The following GABBR2 variants were observed in gnomAD, a reference collection of about 807,000 sequenced individuals.
GABBR2 encodes gamma-aminobutyric acid type B receptor subunit 2.
In GABBR2, 23 loss-of-function variants were observed where a neutral mutation model predicts 105.6. The observed-to-expected ratio is 0.22, with a 90% CI of 0.16 to 0.31. The LOEUF is 0.31. Among genes scored for constraint, GABBR2 ranks in the 10% least tolerant of loss-of-function variants. The probability of loss-of-function intolerance (pLI) is 1.00; values close to 1 mark genes in which losing one functional copy is unlikely to be tolerated. For missense variants in GABBR2, 734 were observed against 1,245.5 expected, an observed-to-expected ratio of 0.59 and a Z score of 6.18; for synonymous variants, 478 against 499.7, an observed-to-expected ratio of 0.96 and a Z score of 0.58.
rs1472109213 is a variant in GABBR2, at chr9:98,547,887, A to G, written c.460-5844T>C. Reference sequence around the variant, plus strand: ...TTGCTTTTCAACAGCCTCAGTTTTAAGCCTTATTGACTTTAACATATTTGT... The same window carrying G: ...TTGCTTTTCAACAGCCTCAGTTTTAGGCCTTATTGACTTTAACATATTTGT... On this transcript the variant is annotated intron_variant, in intron 2 of 18. Coordinates refer to ENST00000259455, the MANE Select transcript of GABBR2 (RefSeq NM_005458.8). Among the ~76,000 whole-genome samples, 2 of 121,750 alleles carry G rather than the reference A, an allele frequency of 1.6e-5. 1 individual carries two copies. Among genetic ancestry groups the G allele is most frequent in the Non-Finnish European group, 3.7e-5 (2 of 54,068 alleles). 79.9% of individuals were successfully genotyped at this position (121,750 alleles called of 152,430 possible). A position where few individuals can be genotyped will look rare whatever the true frequency, so the allele number is the denominator to read the frequency against.
At chr9:98,587,565 GCCAGAC>G (rs1357522047) in intron 1 of GABBR2, among the ~76,000 whole-genome samples, 1 of 152,190 alleles carries the variant, frequency 6.6e-6, no homozygotes, top group African/African-American at 2.4e-5. Context: ...GATAGTGAGA[GCCAGAC>G]CCATTTAACA....
chr9:98,406,272 C>T (rs765932196), intron 7 of GABBR2, 131 bp from the exon 8 acceptor site: 13 of 553,142 alleles, frequency 2.4e-5, no homozygotes, highest in South Asian at 5.0e-5. Flanking sequence ...AACAGATTCC[C>T]GCTGGACCAC....
chr9:98,553,554 T>A (rs1458478279), intron 2 of GABBR2, among the ~76,000 whole-genome samples: 1 of 152,084 alleles, frequency 6.6e-6, no homozygotes, highest in Non-Finnish European at 1.5e-5. Context: ...ATTGTGCCAC[T>A]GCACTCCAGC....
At chr9:98,559,822 G>A (rs1034834385) in intron 2 of GABBR2, among the ~76,000 whole-genome samples, 1 of 151,432 alleles carries the variant, frequency 6.6e-6, no homozygotes, top group Non-Finnish European at 1.5e-5. Flanking sequence ...TCCATACAAA[G>A]CAGGGCTGTG....
At chr9:98,363,917 G>A (rs1048340018) in intron 12 of GABBR2, among the ~76,000 whole-genome samples, 3 of 152,092 alleles carry the variant, frequency 2.0e-5, no homozygotes, top group Admixed American at 6.5e-5. Context: ...AAAAGCTAAT[G>A]TGATGGAGTA....
chr9:98,370,686 C>T (rs1477504027), intron 12 of GABBR2, among the ~76,000 whole-genome samples: 1 of 152,148 alleles, frequency 6.6e-6, no homozygotes, highest in Non-Finnish European at 1.5e-5. Flanking sequence ...TAGTTACTAA[C>T]CAGAGGACCT....
intron 2 of GABBR2, 33 bp downstream of exon 2, chr9:98,577,901 AC>A (rs1239182176): frequency 3.8e-6 from 6 of 1,575,700 alleles, no homozygotes; most frequent in Non-Finnish European, 5.2e-6. Flanking sequence ...AACCAAAGAC[AC>A]CTCCCCACAA....
At chr9:98,475,444 C>T (rs1188909075) in intron 5 of GABBR2, among the ~76,000 whole-genome samples, 1 of 152,140 alleles carries the variant, frequency 6.6e-6, no homozygotes, top group East Asian at 1.9e-4. Flanking sequence ...AATCCCAGGT[C>T]ATTTAATCAA....
At chr9:98,411,603 C>T (rs940184864) in intron 7 of GABBR2, among the ~76,000 whole-genome samples, 2 of 151,916 alleles carry the variant, frequency 1.3e-5, no homozygotes, top group Non-Finnish European at 1.5e-5. Flanking sequence ...GCTCTGCTGC[C>T]CAGGCTAGAG....
chr9:98,397,877 C>A (rs1429328950), intron 8 of GABBR2, among the ~76,000 whole-genome samples: 2 of 152,130 alleles, frequency 1.3e-5, no homozygotes, highest in Non-Finnish European at 2.9e-5. Flanking sequence ...TCTGTTGTCC[C>A]AGGCAGTATA....
At chr9:98,354,654 T>C (rs1831455870) in intron 13 of GABBR2, among the ~76,000 whole-genome samples, 1 of 152,226 alleles carries the variant, frequency 6.6e-6, no homozygotes, top group African/African-American at 2.4e-5. Flanking sequence ...TGCAACTTCC[T>C]CACCTCTGTC....
intron 1 of GABBR2, among the ~76,000 whole-genome samples, chr9:98,697,746 A>C (rs562518166): frequency 6.6e-6 from 1 of 152,332 alleles, no homozygotes; most frequent in African/African-American, 2.4e-5. Flanking sequence ...GAGTCCAGGA[A>C]GGACCTCTGA....
At chr9:98,704,076 T>C (rs1388900131) in intron 1 of GABBR2, among the ~76,000 whole-genome samples, 1 of 152,160 alleles carries the variant, frequency 6.6e-6, no homozygotes, top group African/African-American at 2.4e-5. Flanking sequence ...TGTTCTCTGT[T>C]CACCAGCTGC....
chr9:98,446,568 A>G (rs2131593517), intron 7 of GABBR2, among the ~76,000 whole-genome samples: 1 of 152,286 alleles, frequency 6.6e-6, no homozygotes, highest in East Asian at 1.9e-4. Flanking sequence ...GAATGGAGGG[A>G]GAGAGATTAG....
Position 98,520,712 on chromosome 9 carries a change from T to G in GABBR2, c.630+21161A>C, listed in dbSNP as rs991085647. Among the ~76,000 whole-genome samples the G allele has an allele frequency of 3.9e-5, 6 of 152,280 alleles. No homozygotes were observed. The South Asian group carries it at 1.2e-3, about 32-fold the overall frequency. ...GGGAATGGTTTCTTCTGTTTCCACT[T>G]AAAGGGCATAACTTTGGCAGAGAAG... On this transcript the variant is annotated intron_variant, in intron 3 of 18. Transcript: ENST00000259455.
rs11301472 is a variant in GABBR2 at position 98,633,626 on chromosome 9, CAAAAAAAAA to C, written c.322-55563_322-55555del. Among the ~76,000 whole-genome samples, 4 of 84,298 alleles carry C rather than the reference CAAAAAAAAA, an allele frequency of 4.7e-5. No homozygotes were observed. The East Asian group carries it at 1.3e-3, about 27-fold the overall frequency. 55.3% of individuals were successfully genotyped at this position (84,298 alleles called of 152,430 possible). On this transcript the variant is annotated intron_variant, in intron 1 of 18. Transcript: ENST00000259455. ...GCAACAAGAGCGCGAGACTCCATCT[CAAAAAAAAA>C]AAAAAAAAAAGAATAAGAACAGATA...
chr9:98,633,381 G>A (rs148968823), intron 1 of GABBR2, among the ~76,000 whole-genome samples: 1,713 of 152,254 alleles, frequency 0.011, 30 homozygotes, highest in African/African-American at 0.039. Context: ...CCAGCACTTC[G>A]AGAGGCCAAG....
chr9:98,499,897 T>C (rs139431688), intron 3 of GABBR2, among the ~76,000 whole-genome samples: 14 of 152,092 alleles, frequency 9.2e-5, no homozygotes, highest in African/African-American at 3.4e-4. Context: ...ACTAAAAGTA[T>C]AAAAATTAGC....
At chr9:98,666,181 G>A (rs1830330590) in intron 1 of GABBR2, among the ~76,000 whole-genome samples, 1 of 152,200 alleles carries the variant, frequency 6.6e-6, no homozygotes, top group Non-Finnish European at 1.5e-5. Context: ...CAGGTGAGGG[G>A]GCCAGCCTGG....
Sources: gnomAD v4.1 joint callset for allele counts (sites outside exome capture counted in the v4.1 genomes callset) on GRCh38, gnomAD v4.1.1 for gene constraint, MANE v1.5 for transcripts, NCBI Gene and HGNC (gene_info 2026-07-23, HGNC 2026-07-21) for gene names.